MTG1: variants seen among roughly 807,000 people sequenced by gnomAD.
MTG1 encodes the protein mitochondrial ribosome associated GTPase 1, also known as mitochondrial ribosome-associated GTPase 1.
In MTG1, 30 loss-of-function variants were observed where a neutral mutation model predicts 39.5. The ratio of observed to expected loss-of-function variants is 0.76; its 90% CI spans 0.57 to 1.03. MTG1 has a LOEUF of 1.03. MTG1 is among the 50% of genes least tolerant of loss of function. The pLI is 0.00. For synonymous variants in MTG1, 217 were observed against 179.0 expected (o/e 1.21, Z -1.69); for missense variants, 513 against 447.4 (o/e 1.15, Z -1.32).
chr10:133,399,679 T>C, intron 6 of MTG1, 60 bp downstream of exon 6: 1 of 1,533,296 alleles, frequency 6.5e-7, no homozygotes, highest in Non-Finnish European at 9.0e-7. Flanking sequence ...GCTGATGTGC[T>C]GATGCCACCA....
rs576813412 is a variant in MTG1 at position 133,419,519 on chromosome 10, C to T, written c.792C>T (p.Asn264=). ...QHYGLGSACD[N]VERVLKSVAV... Reference sequence around the variant, plus strand: ...ACGGCCTGGGCAGTGCCTGTGACAACGTAGAGCGCGTGCTGAAGAGTGTGG... The same window carrying T: ...ACGGCCTGGGCAGTGCCTGTGACAATGTAGAGCGCGTGCTGAAGAGTGTGG... The change falls in exon 10 of 11, where the codon AAC becomes AAT. Residue 264 remains asparagine, a synonymous_variant. Transcript: ENST00000317502. 2.1e-5 allele frequency: 34 copies of T among 1,609,184 alleles called. No homozygotes were observed. Among genetic ancestry groups the T allele is most frequent in the South Asian group, 1.0e-4 (9 of 89,968 alleles).
At chr10:133,415,269 T>A (rs1850108610) in intron 9 of MTG1, among the ~76,000 whole-genome samples, 1 of 152,196 alleles carries the variant, frequency 6.6e-6, no homozygotes, top group Non-Finnish European at 1.5e-5. Flanking sequence ...ACTCATTTCT[T>A]TGTGTAGGTC....
chr10:133,406,005 C>G (rs7092471), intron 9 of MTG1, among the ~76,000 whole-genome samples: 6,992 of 152,230 alleles, frequency 0.046, 507 homozygotes, highest in African/African-American at 0.16. Flanking sequence ...CTGCTATTCT[C>G]TGTGTTTTTT....
chr10:133,419,538 AGT>A lies in MTG1; in HGVS notation c.815_816del (p.Val272GlyfsTer18), dbSNP rs752790994. The A allele has an allele frequency of 4.3e-6, 7 of 1,610,798 alleles. No individual in the cohort carries two copies. The highest frequency in any genetic ancestry group is 1.7e-5 in the Admixed American group (1 of 59,652). Reference protein sequence around the residue: ...ACDNVERVLKSVAVKLGKTQK... With the variant: ...ACDNVERVLKXVAVKLGKTQK... ...TGACAACGTAGAGCGCGTGCTGAAG[AGT>A]GTGGCTGTGAAGCTGGGGAAGACGC... On this transcript the variant is annotated frameshift_variant, in exon 10 of 11. Coordinates refer to ENST00000317502, the MANE Select transcript of MTG1 (RefSeq NM_138384.4). LOFTEE classifies it high-confidence loss of function.
In MTG1 at chr10:133,402,945, T is replaced by C. The variant is rs1849908692; in HGVS notation, c.752+172T>C. 5.4e-6 allele frequency: 3 copies of C among 555,668 alleles called. No individual in the cohort carries two copies. Among genetic ancestry groups the C allele is most frequent in the Middle Eastern group, 3.9e-4 (1 of 2,568 alleles). 34.4% of individuals were successfully genotyped at this position (555,668 alleles called of 1,614,324 possible). A position where few individuals can be genotyped will look rare whatever the true frequency, so the allele number is the denominator to read the frequency against. On this transcript the variant is annotated intron_variant, in intron 9 of 10. Transcript: ENST00000317502. This position sits in a 1 kb window ranked among gnomAD's most constrained non-coding sequence, Gnocchi z 4.7. The stretch of plus-strand genomic sequence containing the variant: ...GTTCGGGAGTATGGCTATACGTCTG[T>C]GAAAGCAACACACAATCAAGAAAAC...
chr10:133,408,042 A>G (rs957112920), intron 9 of MTG1, among the ~76,000 whole-genome samples: 2 of 152,124 alleles, frequency 1.3e-5, no homozygotes, highest in Non-Finnish European at 2.9e-5. Context: ...TTCCTCTCCA[A>G]TTTGGGTGAC....
At chr10:133,409,615 G>T (rs1213916564) in intron 9 of MTG1, among the ~76,000 whole-genome samples, 2 of 151,254 alleles carry the variant, frequency 1.3e-5, no homozygotes, top group Non-Finnish European at 2.9e-5. Flanking sequence ...CGGAGAGGGG[G>T]TGTTGAAGCC....
intron 1 of MTG1, among the ~76,000 whole-genome samples, chr10:133,395,312 T>G (rs888804625): frequency 1.3e-5 from 2 of 152,310 alleles, no homozygotes; most frequent in African/African-American, 4.8e-5. Context: ...GGAGAATTGC[T>G]TGAACCTGGC....
chr10:133,416,254 A>G (rs1275228964), intron 9 of MTG1, among the ~76,000 whole-genome samples: 1 of 151,932 alleles, frequency 6.6e-6, no homozygotes, highest in Non-Finnish European at 1.5e-5. Context: ...TTCGTGTTTC[A>G]GCTTAGATTT....
At chr10:133,404,566 C>T (rs1357718931) in intron 9 of MTG1, among the ~76,000 whole-genome samples, 3 of 152,142 alleles carry the variant, frequency 2.0e-5, no homozygotes, top group African/African-American at 4.8e-5. Context: ...TTCATGCAGT[C>T]CAGTTTATCA....
chr10:133,398,377 G>T (rs1490959678), intron 3 of MTG1, 58 bp from the exon 4 acceptor site: 2 of 1,564,668 alleles, frequency 1.3e-6, no homozygotes, highest in East Asian at 4.5e-5. Flanking sequence ...TCCAGCCTGG[G>T]TGACAGAGCC....
At chr10:133,403,515 G>A (rs531402593) in intron 9 of MTG1, among the ~76,000 whole-genome samples, 28 of 152,318 alleles carry the variant, frequency 1.8e-4, no homozygotes, top group Admixed American at 4.6e-4. Flanking sequence ...AGAATTCCAC[G>A]TAGATGGAAT....
intron 9 of MTG1, among the ~76,000 whole-genome samples, chr10:133,407,671 C>T (rs113763059): frequency 0.011 from 1,649 of 151,660 alleles, 37 homozygotes; most frequent in East Asian, 0.066. Flanking sequence ...TGGGTTCAAG[C>T]GATTCTCCTG....
Position 133,402,209 on chromosome 10 carries a change from G to C in MTG1, c.634G>C (p.Glu212Gln). 6.2e-7 allele frequency: 1 copy of C among 1,609,146 alleles called. No homozygotes were observed. The change falls in exon 8 of 11, where the codon GAA becomes CAA. Residue 212 changes from glutamate to glutamine, a missense_variant. Coordinates refer to ENST00000317502, the MANE Select transcript of MTG1 (RefSeq NM_138384.4). This position sits in a 1 kb window ranked among gnomAD's most constrained non-coding sequence, Gnocchi z 4.7. ...DTPGVLAPRIESVETGLKLAL... is the reference protein window; with the variant it reads ...DTPGVLAPRIQSVETGLKLAL... The stretch of plus-strand genomic sequence containing the variant: ...TCCTGGCGTGCTGGCTCCTCGGATT[G>C]AAAGTGTGGAGACAGGCCTGAAGCT...
intron 9 of MTG1, among the ~76,000 whole-genome samples, chr10:133,414,894 G>A (rs540503791): frequency 7.0e-4 from 107 of 152,354 alleles, no homozygotes; most frequent in Non-Finnish European, 1.0e-3. Flanking sequence ...CTGAGTGAAC[G>A]AGACTCCGTC....
chr10:133,413,799 T>C (rs896637088), intron 9 of MTG1, among the ~76,000 whole-genome samples: 1 of 152,188 alleles, frequency 6.6e-6, no homozygotes, highest in African/African-American at 2.4e-5. Flanking sequence ...CCTCCAGATA[T>C]ACTTTCTTTC....
rs1369557660 is a variant in MTG1 at position 133,421,844 on chromosome 10, T to TCC, written c.*1680_*1681dup. The TCC allele has an allele frequency of 1.4e-5, 2 of 147,616 alleles. No individual in the cohort carries two copies. Among genetic ancestry groups the TCC allele is most frequent in the Non-Finnish European group, 3.0e-5 (2 of 67,634 alleles). The allele number at this position is 147,616 out of a possible 1,614,324, so 9.1% of individuals were successfully genotyped here. ...AGGCTCAGGCCCAGGAGGGATGCAG[T>TCC]CCGGCTGAGGGCGAGGCTGTCCCCA... On this transcript the variant is annotated 3_prime_UTR_variant, in exon 11 of 11. Coordinates refer to ENST00000317502, the MANE Select transcript of MTG1 (RefSeq NM_138384.4).
chr10:133,395,550 G>GT (rs1849769584), intron 1 of MTG1, among the ~76,000 whole-genome samples, 163 bp from the exon 2 acceptor site: 1 of 152,222 alleles, frequency 6.6e-6, no homozygotes, highest in Non-Finnish European at 1.5e-5. Flanking sequence ...CTTGGAGGAG[G>GT]CGCTCAGCGG....
intron 9 of MTG1, among the ~76,000 whole-genome samples, chr10:133,410,857 G>A (rs1006085327): frequency 2.6e-5 from 4 of 152,172 alleles, no homozygotes; most frequent in Non-Finnish European, 5.9e-5. Context: ...GAAGAATTCT[G>A]TACTTTAACT....
Sources: allele counts gnomAD v4.1 joint callset (sites outside exome capture counted in the v4.1 genomes callset), GRCh38; gene constraint gnomAD v4.1.1; non-coding constraint Gnocchi (gnomAD v3.1); transcripts MANE v1.5; gene names NCBI Gene and HGNC (gene_info 2026-07-23, HGNC 2026-07-21).